HECTD3: variants seen among roughly 807,000 people sequenced by gnomAD.
The protein encoded by HECTD3 is E3 ubiquitin-protein ligase HECTD3.
HECTD3 carries 72 observed loss-of-function variants against 109.3 expected under a neutral mutation model. That is an observed-to-expected ratio of 0.66 (90% CI 0.54 to 0.80). The LOEUF (loss-of-function observed/expected upper bound fraction) is 0.80, where lower values mean the gene tolerates loss of function less well. HECTD3 is among the 30% of genes least tolerant of loss of function. The probability of loss-of-function intolerance (pLI) is 0.00; values close to 1 mark genes in which losing one functional copy is unlikely to be tolerated. For synonymous variants in HECTD3, 481 were observed against 471.8 expected (o/e 1.02, Z -0.25); for missense variants, 1,041 against 1,165.2 (o/e 0.89, Z 1.55).
chr1:45,010,162 C>T, intron 3 of HECTD3, 39 bp downstream of exon 3: 1 of 1,613,934 alleles, frequency 6.2e-7, no homozygotes, highest in Non-Finnish European at 8.5e-7. Flanking sequence ...GGCCCAGACG[C>T]AGAGCTCCTT....
chr1:45,007,987 C>T (rs892702343), intron 9 of HECTD3, among the ~76,000 whole-genome samples: 2 of 152,200 alleles, frequency 1.3e-5, no homozygotes, highest in Non-Finnish European at 2.9e-5. Context: ...CCTGTATGTA[C>T]CTTTCACGCA....
rs1422958237 is a variant in HECTD3 at position 45,009,145 on chromosome 1, T to A, written c.1071A>T (p.Arg357=). Residue 357 remains arginine, a splice_region_variant and synonymous_variant, in exon 7 of 21, where the codon CGA becomes CGT. Coordinates refer to ENST00000372172, the MANE Select transcript of HECTD3 (RefSeq NM_024602.6). ...PIIEIRIVEC[R]DDGIDVRLRG... ...CCTCCTTATAGCCTTAAACCTCACC[T>A]CGGCACTCCACGATGCGGATCTCGA... The A allele has an allele frequency of 6.2e-7, 1 of 1,613,440 alleles. No individual in the cohort carries two copies. Among genetic ancestry groups the A allele is most frequent in the South Asian group, 1.1e-5 (1 of 91,048 alleles).
In HECTD3 at chr1:45,009,387, C is replaced by T; in HGVS notation, c.971G>A (p.Ser324Asn). 1 of 1,613,632 alleles carries T rather than the reference C, an allele frequency of 6.2e-7. No homozygotes were observed. The highest frequency in any genetic ancestry group is 8.5e-7 in the Non-Finnish European group (1 of 1,179,578). Residue 324 changes from serine (S) to asparagine (N), a missense_variant, in exon 6 of 21, where the codon AGT (serine) becomes AAT (asparagine). This residue lies in a region of HECTD3 where 472 missense variants were observed against 449.9 expected (regional missense o/e 1.05). Transcript: ENST00000372172. ...TGCTCACTCGTCAATGCTCACGTCACTCAGCTTCTTCAGGTTGTCCCCTTC... is the reference window on the plus strand; with the variant it reads ...TGCTCACTCGTCAATGCTCACGTCATTCAGCTTCTTCAGGTTGTCCCCTTC... ...GGEGDNLKKL[S>N]DVSIDETLIG... is the part of the protein sequence containing the mutation.
In HECTD3 at chr1:45,002,554, C is replaced by A. The variant is rs1644699297; in HGVS notation, c.*938G>T. On this transcript the variant is annotated 3_prime_UTR_variant, in exon 21 of 21. Coordinates refer to ENST00000372172, the MANE Select transcript of HECTD3 (RefSeq NM_024602.6). ...TAAACACATTCTGAAGGAATGAATT[C>A]ATCCATTTATTCAACTTTCCGGTAT... 6.6e-6 allele frequency: 1 copy of A among 152,238 alleles called. No individual in the cohort carries two copies. The highest frequency in any genetic ancestry group is 2.4e-5 in the African/African-American group (1 of 41,446). The allele number at this position is 152,238 out of a possible 1,614,324, so 9.4% of individuals were successfully genotyped here.
chr1:45,007,116 C>T, intron 11 of HECTD3, 101 bp from the exon 12 acceptor site: 1 of 1,523,172 alleles, frequency 6.6e-7, no homozygotes, highest in South Asian at 1.1e-5. Flanking sequence ...GCGAGGGGTG[C>T]CTCGAGCAGT....
In HECTD3 at chr1:45,008,571, A is replaced by C. The variant is rs767761514; in HGVS notation, c.1203T>G (p.Pro401=). The C allele has an allele frequency of 1.9e-6, 3 of 1,614,002 alleles. No individual in the cohort carries two copies. The highest frequency in any genetic ancestry group is 2.2e-5 in the East Asian group (1 of 44,886). ...GGACAGCTCTGCGGTACAGTACTTC[A>C]GGGTCGGTGCCTTCTAGGCGTGGAT... The part of the protein sequence containing the change: ...VRYPRLEGTD[P]EVLYRRAVLL... Residue 401 remains proline, a synonymous_variant, in exon 8 of 21, where the codon CCT becomes CCG. Coordinates refer to ENST00000372172, the MANE Select transcript of HECTD3 (RefSeq NM_024602.6).
rs999906022 is a variant in HECTD3 at position 45,006,546 on chromosome 1, C to T, written c.1725+146G>A. ...CTTGAACTCCTGACCTCGTGATCTG[C>T]CCGCCTCGGCTTCCCAAAGTGCTGG... On this transcript the variant is annotated intron_variant, in intron 13 of 20. Coordinates refer to ENST00000372172, the MANE Select transcript of HECTD3 (RefSeq NM_024602.6). This position sits in a 1 kb window ranked among gnomAD's most constrained non-coding sequence, Gnocchi z 4.7. 3.1e-6 allele frequency: 2 copies of T among 643,348 alleles called. No homozygotes were observed. Among genetic ancestry groups the T allele is most frequent in the Middle Eastern group, 3.9e-4 (1 of 2,564 alleles). The allele number at this position is 643,348 out of a possible 1,614,324, so 39.9% of individuals were successfully genotyped here. A position where few individuals can be genotyped will look rare whatever the true frequency, so the allele number is the denominator to read the frequency against.
In HECTD3 at chr1:45,008,601, C is replaced by G. The variant is rs1345773897; in HGVS notation, c.1173G>C (p.Val391=). 4 of 1,613,898 alleles carry G rather than the reference C, an allele frequency of 2.5e-6. No individual in the cohort carries two copies. Among genetic ancestry groups the G allele is most frequent in the African/African-American group, 2.7e-5 (2 of 74,926 alleles). Residue 391 remains valine (V), a synonymous_variant, in exon 8 of 21, where the codon GTG becomes GTC. Coordinates refer to ENST00000372172, the MANE Select transcript of HECTD3 (RefSeq NM_024602.6). ...CGGTGCCTTCTAGGCGTGGATATCG[C>G]ACCAGACTAGTTGGCTGGAACAGGT... The part of the protein sequence containing the change: ...NADLFQPTSL[V]RYPRLEGTDP...
At position 45,006,269 on chromosome 1, in the gene HECTD3, T is replaced by C. The variant is rs374525551; in HGVS notation, c.1726-153A>G. ...CCTCCTCTCCCTGTCTGCCCAGAGG[T>C]TGCCCTGAGCAACTCAGTCCCTCCT... On this transcript the variant is annotated intron_variant, in intron 13 of 20. Coordinates refer to ENST00000372172, the MANE Select transcript of HECTD3 (RefSeq NM_024602.6). The surrounding 1 kb of genome is among the most constrained non-coding windows in gnomAD (Gnocchi z 4.7). The C allele has an allele frequency of 3.1e-6, 3 of 975,666 alleles. No individual in the cohort carries two copies. 60.4% of individuals were successfully genotyped at this position (975,666 alleles called of 1,614,324 possible).
chr1:45,007,859 A>C (rs1644750303), intron 9 of HECTD3, among the ~76,000 whole-genome samples: 1 of 152,016 alleles, frequency 6.6e-6, no homozygotes, highest in Non-Finnish European at 1.5e-5. Flanking sequence ...AGCCTGGCCC[A>C]CAGGGCCCTC....
At chr1:45,007,308 G>A (rs1451005863) in intron 10 of HECTD3, 37 bp from the exon 11 acceptor site, 1 of 1,607,706 alleles carries the variant, frequency 6.2e-7, no homozygotes, top group Non-Finnish European at 8.5e-7. Flanking sequence ...AGGAAAGCAA[G>A]ACCTGGCCCT....
In HECTD3 at chr1:45,003,433, C is replaced by T; in HGVS notation, c.*59G>A. On this transcript the variant is annotated 3_prime_UTR_variant, in exon 21 of 21. Transcript: ENST00000372172. The surrounding 1 kb of genome is among the most constrained non-coding windows in gnomAD (Gnocchi z 4.7). ...CCAGGGCAGGGAAGGTGTCTTCGCC[C>T]TGGGCAAGGCCAAGAGGGACACGTG... 6.6e-7 allele frequency: 1 copy of T among 1,507,634 alleles called. No individual in the cohort carries two copies. The highest frequency in any genetic ancestry group is 9.2e-7 in the Non-Finnish European group (1 of 1,085,094). The allele number at this position is 1,507,634 out of a possible 1,614,324, so 93.4% of individuals were successfully genotyped here. A position where few individuals can be genotyped will look rare whatever the true frequency, so the allele number is the denominator to read the frequency against.
chr1:45,010,289 C>A lies in HECTD3; in HGVS notation c.535G>T (p.Glu179Ter). The part of the protein sequence containing the change: ...GVDYRPVLRW[E>*]QVVDLTYSHR... The stretch of plus-strand genomic sequence containing the variant: ...GAGTATGTCAGGTCCACCACCTGTT[C>A]CCACCTGTGGGCACAGAGTAGGGAG... The change falls in exon 3 of 21, where the codon GAA (glutamate) becomes TAA (stop). Residue 179 changes from glutamate to a stop codon, truncating the protein, a stop_gained. Transcript: ENST00000372172. LOFTEE classifies it high-confidence loss of function. 1 of 1,613,864 alleles carries A rather than the reference C, an allele frequency of 6.2e-7. No individual in the cohort carries two copies. The highest frequency in any genetic ancestry group is 8.5e-7 in the Non-Finnish European group (1 of 1,179,900).
intron 15 of HECTD3, chr1:45,005,430 G>A: frequency 8.8e-6 from 2 of 226,896 alleles, no homozygotes; most frequent in South Asian, 2.4e-4. Flanking sequence ...GGGAGAAGAA[G>A]GGGTGAAGGA....
At position 45,006,272 on chromosome 1, in the gene HECTD3, C is replaced by T; in HGVS notation, c.1726-156G>A. ...CCTCTCCCTGTCTGCCCAGAGGTTG[C>T]CCTGAGCAACTCAGTCCCTCCTCTG... is the stretch of plus-strand genomic sequence containing the variant. On this transcript the variant is annotated intron_variant, in intron 13 of 20. Coordinates refer to ENST00000372172, the MANE Select transcript of HECTD3 (RefSeq NM_024602.6). This position sits in a 1 kb window ranked among gnomAD's most constrained non-coding sequence, Gnocchi z 4.7. 1 of 897,030 alleles carries T rather than the reference C, an allele frequency of 1.1e-6. No individual in the cohort carries two copies. Among genetic ancestry groups the T allele is most frequent in the Non-Finnish European group, 1.7e-6 (1 of 589,832 alleles). The allele number at this position is 897,030 out of a possible 1,614,324, so 55.6% of individuals were successfully genotyped here.
intron 7 of HECTD3, 48 bp from the exon 8 acceptor site, chr1:45,008,749 C>T (rs1226115397): frequency 6.3e-7 from 1 of 1,579,488 alleles, no homozygotes; most frequent in Non-Finnish European, 8.7e-7. Flanking sequence ...CTGCTGCCTC[C>T]TTGGCCCTCA....
At chr1:45,005,974 G>A (rs1278991188) in intron 14 of HECTD3, 23 bp downstream of exon 14, 1 of 1,612,288 alleles carries the variant, frequency 6.2e-7, no homozygotes, top group African/African-American at 1.3e-5. Context: ...TGATCGGACG[G>A]GGGTGTGGAT....
rs200368875 is a variant in HECTD3, at chr1:45,009,490, G to A, written c.876-8C>T. On this transcript the variant is annotated splice_region_variant and splice_polypyrimidine_tract_variant and intron_variant, in intron 5 of 20. Transcript: ENST00000372172. Reference sequence around the variant, plus strand: ...ACTGTGAGTAGCAGCTTCCTGAAGGGTCAGAGTGTGAATATGAGTCTTTGT... The same window carrying A: ...ACTGTGAGTAGCAGCTTCCTGAAGGATCAGAGTGTGAATATGAGTCTTTGT... 6.2e-7 allele frequency: 1 copy of A among 1,611,326 alleles called. No individual in the cohort carries two copies. The highest frequency in any genetic ancestry group is 8.5e-7 in the Non-Finnish European group (1 of 1,177,506).
rs1299991999 is a variant in HECTD3 at position 45,009,489 on chromosome 1, G to T, written c.876-7C>A. 4 of 1,611,690 alleles carry T rather than the reference G, an allele frequency of 2.5e-6. No homozygotes were observed. The highest frequency in any genetic ancestry group is 3.4e-6 in the Non-Finnish European group (4 of 1,178,010). On this transcript the variant is annotated splice_region_variant and splice_polypyrimidine_tract_variant and intron_variant, in intron 5 of 20. Transcript: ENST00000372172. Reference sequence around the variant, plus strand: ...CACTGTGAGTAGCAGCTTCCTGAAGGGTCAGAGTGTGAATATGAGTCTTTG... The same window carrying T: ...CACTGTGAGTAGCAGCTTCCTGAAGTGTCAGAGTGTGAATATGAGTCTTTG...
Sources: allele counts gnomAD v4.1 joint callset (sites outside exome capture counted in the v4.1 genomes callset), GRCh38; gene constraint gnomAD v4.1.1; regional missense constraint gnomAD v4.1.1; non-coding constraint Gnocchi (gnomAD v3.1); transcripts MANE v1.5; gene names NCBI Gene and HGNC (gene_info 2026-07-23, HGNC 2026-07-21).